CACNA1E: variants seen among roughly 807,000 people sequenced by gnomAD.
CACNA1E encodes the protein voltage-dependent R-type calcium channel subunit alpha-1E.
A neutral mutation model predicts 259.2 loss-of-function variants in CACNA1E; 40 were observed. That is an observed-to-expected ratio of 0.15 (90% CI 0.12 to 0.20). The LOEUF is 0.20. Ranked by LOEUF, CACNA1E falls within the 10% of genes least tolerant of loss-of-function variation. The pLI, the probability that CACNA1E is intolerant of heterozygous loss-of-function variation, is 1.00. For missense variants in CACNA1E, 1,874 were observed against 3,040.1 expected (o/e 0.62, Z 9.02); for synonymous variants, 1,104 against 1,138.5 (o/e 0.97, Z 0.61).
intron 2 of CACNA1E, among the ~76,000 whole-genome samples, chr1:181,477,147 GC>G (rs71571281): frequency 1.9e-4 from 28 of 150,748 alleles, no homozygotes; most frequent in South Asian, 6.3e-4. Context: ...CTTGTGTACT[GC>G]CCCCCTCCCC....
At chr1:181,406,156 T>C (rs996467050) in intron 1 of CACNA1E, among the ~76,000 whole-genome samples, 2 of 152,208 alleles carry the variant, frequency 1.3e-5, no homozygotes, top group Non-Finnish European at 2.9e-5. Flanking sequence ...TGAATGACTA[T>C]GTAGAGCAGA....
chr1:181,372,489 C>T (rs939979163), intron 1 of CACNA1E, among the ~76,000 whole-genome samples: 2 of 152,060 alleles, frequency 1.3e-5, no homozygotes, highest in African/African-American at 4.8e-5. Flanking sequence ...AGTTTTAGGA[C>T]CTTTTAGGCA....
intron 1 of CACNA1E, among the ~76,000 whole-genome samples, chr1:181,368,306 G>C: frequency 6.6e-6 from 1 of 150,746 alleles, no homozygotes; most frequent in Middle Eastern, 3.4e-3. Flanking sequence ...AAAATACATC[G>C]CAAATCTACC....
In CACNA1E at chr1:181,789,069, C is replaced by T. The variant is rs76196293; in HGVS notation, c.5787-1376C>T. Among the ~76,000 whole-genome samples the T allele has an allele frequency of 8.4e-3, 1,286 of 152,270 alleles. 22 individuals are homozygous for T. The highest frequency in any genetic ancestry group is 0.029 in the African/African-American group (1,216 of 41,556). On this transcript the variant is annotated intron_variant, in intron 43 of 47. Coordinates refer to ENST00000367573, the MANE Select transcript of CACNA1E (RefSeq NM_001205293.3). The stretch of plus-strand genomic sequence containing the variant: ...TAGAGACAGGTCTTGCTTTGTTGCC[C>T]AGGTTGGTCTCAGATTCCTGAGCTC...
chr1:181,633,381 G>A (rs557072063), intron 6 of CACNA1E, among the ~76,000 whole-genome samples: 4 of 152,220 alleles, frequency 2.6e-5, no homozygotes, highest in Non-Finnish European at 5.9e-5. Context: ...CACTGTTTCC[G>A]ATTCATGCAA....
intron 1 of CACNA1E, among the ~76,000 whole-genome samples, chr1:181,382,145 T>G (rs1655500318): frequency 1.3e-5 from 2 of 152,120 alleles, no homozygotes; most frequent in African/African-American, 4.8e-5. Context: ...CCCTTTGAGC[T>G]GAGCCAGCCA....
At chr1:181,711,509 C>T (rs191862199) in intron 8 of CACNA1E, among the ~76,000 whole-genome samples, 6 of 152,310 alleles carry the variant, frequency 3.9e-5, no homozygotes, top group Admixed American at 3.9e-4. Context: ...TCTTGTAAAG[C>T]TCTCTAGTTG....
intron 1 of CACNA1E, among the ~76,000 whole-genome samples, chr1:181,508,181 G>A (rs55666234): frequency 0.15 from 21,896 of 150,148 alleles, 1,661 homozygotes; most frequent in Non-Finnish European, 0.17. Context: ...GTGTGATGGG[G>A]TGTGTGCCCA....
Position 181,804,151 on chromosome 1 carries a change from T to G in CACNA1E, c.*5317T>G, listed in dbSNP as rs1421701689. On this transcript the variant is annotated 3_prime_UTR_variant, in exon 48 of 48. Coordinates refer to ENST00000367573, the MANE Select transcript of CACNA1E (RefSeq NM_001205293.3). ...AAAGAGGTGTGGGGATTTATGTTTA[T>G]TTTTATTTGTTTGGGGTTGTTTGGT... 6.6e-6 allele frequency: 1 copy of G among 152,300 alleles called. No homozygotes were observed. Among genetic ancestry groups the G allele is most frequent in the East Asian group, 1.9e-4 (1 of 5,192 alleles). The allele number at this position is 152,300 out of a possible 1,614,324, so 9.4% of individuals were successfully genotyped here. A position where few individuals can be genotyped will look rare whatever the true frequency, so the allele number is the denominator to read the frequency against.
At chr1:181,351,544 G>A (rs186763547) in intron 1 of CACNA1E, among the ~76,000 whole-genome samples, 166 of 152,274 alleles carry the variant, frequency 1.1e-3, no homozygotes, top group African/African-American at 3.9e-3. Context: ...TTCTCTCACC[G>A]TTCTGGTGGC....
chr1:181,358,302 G>A (rs1653608592), intron 1 of CACNA1E, among the ~76,000 whole-genome samples: 1 of 152,118 alleles, frequency 6.6e-6, no homozygotes, highest in Non-Finnish European at 1.5e-5. Context: ...CCTTGGTCAG[G>A]ACCTTTTTCT....
intron 3 of CACNA1E, among the ~76,000 whole-genome samples, chr1:181,570,489 G>C (rs1254278681): frequency 6.6e-6 from 1 of 152,128 alleles, no homozygotes; most frequent in Non-Finnish European, 1.5e-5. Flanking sequence ...CCACAAATTT[G>C]GTGGCTTAAA....
Position 181,330,579 on chromosome 1 carries a change from G to A in CACNA1E, c.-15+12456G>A, listed in dbSNP as rs141707112. Among the ~76,000 whole-genome samples, 451 of 152,308 alleles carry A rather than the reference G, an allele frequency of 3.0e-3. 3 individuals are homozygous for A. Among genetic ancestry groups the A allele is most frequent in the African/African-American group, 0.01 (435 of 41,566 alleles). On this transcript the variant is annotated intron_variant, in intron 1 of 11. Transcript: ENST00000524607. ...TTCTGTCCCCCTTGGGTGGGGCAAG[G>A]CCTGCTGGCACCTGAGAAATCATTG...
intron 16 of CACNA1E, among the ~76,000 whole-genome samples, chr1:181,722,712 T>G (rs1387872834): frequency 6.6e-6 from 1 of 152,112 alleles, no homozygotes; most frequent in Non-Finnish European, 1.5e-5. Flanking sequence ...TTTTGGGGAG[T>G]TGGGTTGGCC....
chr1:181,675,768 T>C (rs1302484630), intron 7 of CACNA1E, among the ~76,000 whole-genome samples: 1 of 152,250 alleles, frequency 6.6e-6, no homozygotes, highest in Non-Finnish European at 1.5e-5. Context: ...TGCTCCTGGC[T>C]GACCTGGGCA....
chr1:181,511,152 C>T (rs1045453556), intron 2 of CACNA1E, among the ~76,000 whole-genome samples: 1 of 152,172 alleles, frequency 6.6e-6, no homozygotes, highest in African/African-American at 2.4e-5. Flanking sequence ...GTGTGACCCT[C>T]ACATTGTCCA....
intron 3 of CACNA1E, among the ~76,000 whole-genome samples, chr1:181,545,112 T>C (rs1647306597): frequency 6.6e-6 from 1 of 151,474 alleles, no homozygotes; most frequent in Non-Finnish European, 1.5e-5. Flanking sequence ...AAAAAAAAAG[T>C]CTTGCTATGT....
intron 7 of CACNA1E, among the ~76,000 whole-genome samples, chr1:181,680,918 AG>A (rs1649901699): frequency 6.6e-6 from 1 of 152,212 alleles, no homozygotes; most frequent in Non-Finnish European, 1.5e-5. Context: ...GGTGTCACAC[AG>A]GGACTCAGGC....
intron 6 of CACNA1E, among the ~76,000 whole-genome samples, chr1:181,646,579 C>T (rs370469148): frequency 2.0e-5 from 3 of 152,210 alleles, no homozygotes; most frequent in East Asian, 1.9e-4. Context: ...TACAGCTGCT[C>T]TGTGAAGAGG....
Sources: allele counts gnomAD v4.1 joint callset (sites outside exome capture counted in the v4.1 genomes callset), GRCh38; gene constraint gnomAD v4.1.1; transcripts MANE v1.5; gene names NCBI Gene and HGNC (gene_info 2026-07-23, HGNC 2026-07-21).